BPTF: variants seen among roughly 807,000 people sequenced by gnomAD.
The protein encoded by BPTF is nucleosome-remodeling factor subunit BPTF.
A neutral mutation model predicts 292.5 loss-of-function variants in BPTF; 18 were observed. That is an observed-to-expected ratio of 0.06 (90% CI 0.04 to 0.09). BPTF has a LOEUF of 0.09. Among genes scored for constraint, BPTF ranks in the 10% least tolerant of loss-of-function variants. BPTF has a pLI of 1.00. For missense variants in BPTF, 2,726 were observed against 3,498.7 expected (o/e 0.78, Z 5.57); for synonymous variants, 1,225 against 1,251.9 (o/e 0.98, Z 0.45).
intron 4 of BPTF, chr17:67,875,834 A>G (rs766468694): frequency 5.5e-6 from 6 of 1,099,336 alleles, no homozygotes; most frequent in African/African-American, 1.6e-5. Context: ...ACCTTAAACT[A>G]TGTGTTCATT....
Position 67,825,696 on chromosome 17 carries a change from T to G in BPTF, c.-29T>G. The G allele has an allele frequency of 2.7e-6, 2 of 744,414 alleles. No individual in the cohort carries two copies. The highest frequency in any genetic ancestry group is 3.3e-6 in the Non-Finnish European group (2 of 613,596). The allele number at this position is 744,414 out of a possible 1,614,324, so 46.1% of individuals were successfully genotyped here. A position where few individuals can be genotyped will look rare whatever the true frequency, so the allele number is the denominator to read the frequency against. On this transcript the variant is annotated 5_prime_UTR_variant, in exon 1 of 28. Coordinates refer to ENST00000306378, the MANE Select transcript of BPTF (RefSeq NM_182641.4). ...CCTGCGCCCGCCCCTCCCCCTTCGC[T>G]TTCCTTCTCCCCCCGCCTCGGCTCC...
At chr17:67,865,953 C>A (rs1054853024) in intron 2 of BPTF, among the ~76,000 whole-genome samples, 8 of 151,872 alleles carry the variant, frequency 5.3e-5, no homozygotes, top group Non-Finnish European at 1.0e-4. Context: ...AGAAATATTT[C>A]TAAACTATAT....
intron 1 of BPTF, among the ~76,000 whole-genome samples, chr17:67,839,334 T>A (rs73994721): frequency 0.098 from 14,925 of 151,760 alleles, 2,471 homozygotes; most frequent in African/African-American, 0.34. Flanking sequence ...AAGTTTTTTT[T>A]TAAAAAAAAA....
intron 18 of BPTF, among the ~76,000 whole-genome samples, chr17:67,936,147 A>T (rs1432712111): frequency 6.6e-6 from 1 of 152,204 alleles, no homozygotes; most frequent in Non-Finnish European, 1.5e-5. Context: ...AAGATAGATA[A>T]AATCTTTCCC....
rs2147910104 is a variant in BPTF, at chr17:67,944,365, A to G, written c.6693A>G (p.Thr2231=). The change falls in exon 20 of 28, where the codon ACA becomes ACG. Residue 2231 remains threonine (T), a synonymous_variant. Transcript: ENST00000306378. ...ASTTTTTVST[T]AAGTGEQRQS... ...CCACCACCACCACTGTTTCCACGAC[A>G]GCAGCAGGTAGAGCTGTGGGTTTAT... is the stretch of plus-strand genomic sequence containing the variant. 1.2e-6 allele frequency: 2 copies of G among 1,612,770 alleles called. No individual in the cohort carries two copies. Among genetic ancestry groups the G allele is most frequent in the Admixed American group, 3.3e-5 (2 of 60,020 alleles).
chr17:67,982,330 G>C lies in BPTF; in HGVS notation c.*42G>C, dbSNP rs1555697098. 6.4e-7 allele frequency: 1 copy of C among 1,565,894 alleles called. No homozygotes were observed. Among genetic ancestry groups the C allele is most frequent in the Non-Finnish European group, 8.8e-7 (1 of 1,139,852 alleles). Reference sequence around the variant, plus strand: ...CTAACATAAAACACAGCAAGAATCTGGTTGTCTGAACTATTTTAAATTAAG... The same window carrying C: ...CTAACATAAAACACAGCAAGAATCTCGTTGTCTGAACTATTTTAAATTAAG... On this transcript the variant is annotated 3_prime_UTR_variant, in exon 28 of 28. Transcript: ENST00000306378.
At chr17:67,933,586 A>G (rs1204141912) in intron 18 of BPTF, among the ~76,000 whole-genome samples, 1 of 152,174 alleles carries the variant, frequency 6.6e-6, no homozygotes, top group African/African-American at 2.4e-5. Context: ...GAAAAAAAGA[A>G]AAAAAAGATT....
intron 1 of BPTF, among the ~76,000 whole-genome samples, chr17:67,848,190 G>A (rs1432824945): frequency 6.6e-6 from 1 of 150,788 alleles, no homozygotes; most frequent in Non-Finnish European, 1.5e-5. Flanking sequence ...TTTTGAATTA[G>A]TACAATAAAT....
At chr17:67,881,032 G>A (rs2060368960) in intron 4 of BPTF, among the ~76,000 whole-genome samples, 1 of 151,526 alleles carries the variant, frequency 6.6e-6, no homozygotes, top group Non-Finnish European at 1.5e-5. Context: ...ATAAAATCTT[G>A]TCAGAATACT....
chr17:67,839,171 ACCTCC>A (rs1317051730), intron 1 of BPTF, among the ~76,000 whole-genome samples: 113 of 151,838 alleles, frequency 7.4e-4, no homozygotes, highest in African/African-American at 2.7e-3. Flanking sequence ...ATTGTGTACC[ACCTCC>A]AAAGCAATGT....
At chr17:67,960,295 GT>G (rs2067351708) in intron 24 of BPTF, 1 of 154,288 alleles carries the variant, frequency 6.5e-6, no homozygotes, top group Non-Finnish European at 1.4e-5. Context: ...ATGGTCAGAG[GT>G]TTTGAATTTG....
At chr17:67,926,316 CTTTTTTTTTTT>C (rs869295387) in intron 15 of BPTF, among the ~76,000 whole-genome samples, 2,070 of 83,910 alleles carry the variant, frequency 0.025, 65 homozygotes, top group African/African-American at 0.1. Context: ...TAATATACTA[CTTTTTTTTTTT>C]TTTTTTTTTT....
At chr17:67,961,571 GCACCGTGGCTCATAC>G (rs1476283366) in intron 24 of BPTF, among the ~76,000 whole-genome samples, 2 of 152,128 alleles carry the variant, frequency 1.3e-5, no homozygotes, top group African/African-American at 4.8e-5. Flanking sequence ...AAAGTGCTGG[GCACCGTGGCTCATAC>G]CTGTAATCTC....
rs188006592 is a variant in BPTF, at chr17:67,861,090, C to G, written c.1437-5374C>G. 1.2e-3 allele frequency among the ~76,000 whole-genome samples: 177 copies of G among 152,312 alleles called. 4 individuals are homozygous for G. The highest frequency in any genetic ancestry group is 2.1e-3 in the East Asian group (11 of 5,176). On this transcript the variant is annotated intron_variant, in intron 2 of 27. Coordinates refer to ENST00000306378, the MANE Select transcript of BPTF (RefSeq NM_182641.4). ...TTTAAAACCAAACTCATCGTTTCCC[C>G]CCATTACCTACTCTTCATCCAGCGT... is the stretch of plus-strand genomic sequence containing the variant.
intron 26 of BPTF, among the ~76,000 whole-genome samples, chr17:67,968,625 A>G (rs1339866819): frequency 6.6e-6 from 1 of 150,804 alleles, no homozygotes; most frequent in East Asian, 1.9e-4. Flanking sequence ...CGTCTCTACT[A>G]AAAATACAAA....
intron 17 of BPTF, among the ~76,000 whole-genome samples, chr17:67,931,207 G>A (rs1301499559): frequency 6.6e-6 from 1 of 152,098 alleles, no homozygotes; most frequent in Non-Finnish European, 1.5e-5. Flanking sequence ...GGAGGTTGTA[G>A]TGAGCCAAGA....
In BPTF at chr17:67,964,794, A is replaced by AT. The variant is rs534697254; in HGVS notation, c.8454+391dup. 4.6e-3 allele frequency among the ~76,000 whole-genome samples: 680 copies of AT among 148,752 alleles called. 8 individuals carry two copies. Among genetic ancestry groups the AT allele is most frequent in the African/African-American group, 0.015 (599 of 40,266 alleles). ...GGTGGGCGGATCACAAGGTCAGGAG[A>AT]TCAGACCATCCTGGCTAACACGGTG... On this transcript the variant is annotated intron_variant, in intron 25 of 27. Coordinates refer to ENST00000306378, the MANE Select transcript of BPTF (RefSeq NM_182641.4).
At chr17:67,930,756 C>T (rs1405566557) in intron 17 of BPTF, among the ~76,000 whole-genome samples, 1 of 151,566 alleles carries the variant, frequency 6.6e-6, no homozygotes, top group African/African-American at 2.4e-5. Flanking sequence ...ACCACCTAAA[C>T]AAAATGGCAA....
intron 3 of BPTF, among the ~76,000 whole-genome samples, chr17:67,869,424 A>G (rs2059577259): frequency 6.6e-6 from 1 of 152,212 alleles, no homozygotes; most frequent in Non-Finnish European, 1.5e-5. Context: ...AAATGTTAAT[A>G]TAGGGGAATT....
Sources: allele counts gnomAD v4.1 joint callset (sites outside exome capture counted in the v4.1 genomes callset), GRCh38; gene constraint gnomAD v4.1.1; transcripts MANE v1.5; gene names NCBI Gene and HGNC (gene_info 2026-07-23, HGNC 2026-07-21).